Variants in PROSER1 observed in about 807,000 individuals in gnomAD.
PROSER1 encodes the protein proline and serine rich 1.
PROSER1 carries 36 observed loss-of-function variants against 71.8 expected under a neutral mutation model. The observed-to-expected ratio is 0.50, with a 90% CI of 0.38 to 0.66. PROSER1 has a LOEUF of 0.66. Ranked by LOEUF, PROSER1 falls within the 30% of genes least tolerant of loss-of-function variation. The pLI is 0.00. For synonymous variants in PROSER1, 490 were observed against 452.4 expected (o/e 1.08, Z -1.06); for missense variants, 1,107 against 1,135.0 (o/e 0.98, Z 0.35).
intron 8 of PROSER1, 39 bp downstream of exon 8, chr13:39,023,013 A>G (rs1232915658): frequency 6.5e-7 from 1 of 1,540,668 alleles, no homozygotes; most frequent in African/African-American, 1.4e-5. Context: ...AATAAACAGC[A>G]AAAAAGAAAA....
Position 39,013,629 on chromosome 13 carries a change from C to G in PROSER1, c.1623G>C (p.Leu541=). The change falls in exon 11 of 13, where the codon CTG becomes CTC. Residue 541 remains leucine (L), a synonymous_variant. Coordinates refer to ENST00000352251, the MANE Select transcript of PROSER1 (RefSeq NM_025138.5). ...AAGTTGAGTTAGCCACGGGAGACGG[C>G]AGGCCTGGGAACAGGGCCAACCCTG... ...STPGLALFPG[L]PSPVANSTST... is the part of the protein sequence containing the mutation. 2 of 1,614,102 alleles carry G rather than the reference C, an allele frequency of 1.2e-6. No individual in the cohort carries two copies. The highest frequency in any genetic ancestry group is 1.7e-6 in the Non-Finnish European group (2 of 1,180,010).
At chr13:39,030,952 G>T (rs767383213) in intron 3 of PROSER1, among the ~76,000 whole-genome samples, 1 of 152,120 alleles carries the variant, frequency 6.6e-6, no homozygotes, top group Non-Finnish European at 1.5e-5. Flanking sequence ...GAAAGTCAAG[G>T]ATCTGTAAAT....
At chr13:39,033,565 TTG>T (rs1295613087) in intron 2 of PROSER1, among the ~76,000 whole-genome samples, 1 of 152,190 alleles carries the variant, frequency 6.6e-6, no homozygotes, top group Non-Finnish European at 1.5e-5. Flanking sequence ...ACATGCCCCC[TTG>T]TGTGTGTGAC....
rs1869640126 is a variant in PROSER1 at position 39,011,313 on chromosome 13, G to A, written c.*52C>T. ...CACATTTGTCAGATTGTTCATTGCAGTTCTCAGGCAATTCTGATGTTGCTC... is the reference window on the plus strand; with the variant it reads ...CACATTTGTCAGATTGTTCATTGCAATTCTCAGGCAATTCTGATGTTGCTC... On this transcript the variant is annotated 3_prime_UTR_variant, in exon 13 of 13. Coordinates refer to ENST00000352251, the MANE Select transcript of PROSER1 (RefSeq NM_025138.5). 5 of 1,591,186 alleles carry A rather than the reference G, an allele frequency of 3.1e-6. No individual in the cohort carries two copies. In the Admixed American group the frequency reaches 8.4e-5, roughly 27 times the overall value.
chr13:39,012,034 G>A (rs1593523275), intron 12 of PROSER1, 49 bp downstream of exon 12: 1 of 1,573,136 alleles, frequency 6.4e-7, no homozygotes, highest in East Asian at 2.2e-5. Flanking sequence ...CACTACAGAA[G>A]TTAGTTATAC....
intron 11 of PROSER1, 100 bp from the exon 12 acceptor site, chr13:39,012,333 C>CA: frequency 7.7e-7 from 1 of 1,301,268 alleles, no homozygotes; most frequent in Non-Finnish European, 1.1e-6. Context: ...AAAAACAAAA[C>CA]AAAAACCTTA....
In PROSER1 at chr13:39,013,830, A is replaced by G. The variant is rs1869842245; in HGVS notation, c.1422T>C (p.Gly474=). ...VNSPLLSALK[G]FLTSNDTNLI... The stretch of plus-strand genomic sequence containing the variant: ...AATTGGTGTCATTGGATGTCAGAAA[A>G]CCTTTTAACGCAGACAAAAGAGGAC... The change falls in exon 11 of 13, where the codon GGT becomes GGC. Residue 474 remains glycine, a synonymous_variant. Transcript: ENST00000352251. 1 of 1,613,946 alleles carries G rather than the reference A, an allele frequency of 6.2e-7. No homozygotes were observed. The highest frequency in any genetic ancestry group is 1.7e-5 in the Admixed American group (1 of 59,990).
At chr13:39,019,299 C>G (rs1056463089) in intron 9 of PROSER1, among the ~76,000 whole-genome samples, 1 of 148,284 alleles carries the variant, frequency 6.7e-6, no homozygotes, top group African/African-American at 2.5e-5. Flanking sequence ...GTCAGGAGTT[C>G]GAGACCAGCC....
intron 10 of PROSER1, among the ~76,000 whole-genome samples, chr13:39,016,828 A>G (rs184073262): frequency 1.3e-3 from 200 of 152,330 alleles, no homozygotes; most frequent in African/African-American, 4.8e-3. Context: ...AGGGAATGGA[A>G]TTCTCCCACT....
chr13:39,020,982 G>A (rs1313266646), intron 9 of PROSER1, among the ~76,000 whole-genome samples: 1 of 152,158 alleles, frequency 6.6e-6, no homozygotes, highest in Non-Finnish European at 1.5e-5. Flanking sequence ...GCACGTCAAA[G>A]TTTTACCACT....
At position 39,012,738 on chromosome 13, in the gene PROSER1, G is replaced by C. The variant is rs1869726820; in HGVS notation, c.2514C>G (p.Ala838=). 1.9e-6 allele frequency: 3 copies of C among 1,609,434 alleles called. No individual in the cohort carries two copies. Among genetic ancestry groups the C allele is most frequent in the Non-Finnish European group, 2.5e-6 (3 of 1,177,708 alleles). Residue 838 remains alanine, a synonymous_variant, in exon 11 of 13, where the codon GCC becomes GCG. Coordinates refer to ENST00000352251, the MANE Select transcript of PROSER1 (RefSeq NM_025138.5). ...AGTTGAAATTGGAACTGAATGCTGA[G>C]GCGAATCCTGGGAGGACTGGAGCTG... ...PSPAPVLPGF[A]SAFSSNFNSA...
In PROSER1 at chr13:39,014,041, G is replaced by C; in HGVS notation, c.1211C>G (p.Thr404Ser). The change falls in exon 11 of 13, where the codon ACT (threonine) becomes AGT (serine). Residue 404 changes from threonine (T) to serine (S), a missense_variant. By Grantham distance (58) the Thr-to-Ser change is moderately conservative. Coordinates refer to ENST00000352251, the MANE Select transcript of PROSER1 (RefSeq NM_025138.5). ...EAFASTSAPF[T>S]SLPFSTSSSA... is the part of the protein sequence containing the mutation. The stretch of plus-strand genomic sequence containing the variant: ...AGAGCTGGTGGAAAAGGGGAGGCTA[G>C]TGAAAGGTGCAGAAGTAGAAGCAAA... 6.2e-7 allele frequency: 1 copy of C among 1,614,178 alleles called. No homozygotes were observed. The highest frequency in any genetic ancestry group is 8.5e-7 in the Non-Finnish European group (1 of 1,180,014).
At chr13:39,015,323 T>G (rs1017332005) in intron 10 of PROSER1, among the ~76,000 whole-genome samples, 1 of 152,190 alleles carries the variant, frequency 6.6e-6, no homozygotes, top group Non-Finnish European at 1.5e-5. Context: ...ATGTATTCAA[T>G]GGCTATCCCC....
At position 39,013,213 on chromosome 13, in the gene PROSER1, G is replaced by A; in HGVS notation, c.2039C>T (p.Ser680Phe). The A allele has an allele frequency of 6.2e-7, 1 of 1,614,156 alleles. No homozygotes were observed. The highest frequency in any genetic ancestry group is 8.5e-7 in the Non-Finnish European group (1 of 1,180,022). The change falls in exon 11 of 13, where the codon TCC (serine) becomes TTC (phenylalanine). Residue 680 changes from serine (S) to phenylalanine (F), a missense_variant. By Grantham distance (155) the Ser-to-Phe change is radical (BLOSUM62 -2). Coordinates refer to ENST00000352251, the MANE Select transcript of PROSER1 (RefSeq NM_025138.5). ...LNGSNPLSSI[S>F]LPPHGSSTPI... is the part of the protein sequence containing the mutation. ...AGTGGAGGAACCATGTGGTGGAAGGGAAATAGAGGAAAGAGGATTTGAACC... is the reference window on the plus strand; with the variant it reads ...AGTGGAGGAACCATGTGGTGGAAGGAAAATAGAGGAAAGAGGATTTGAACC...
rs147228249 is a variant in PROSER1, at chr13:39,020,367, T to TAC, written c.730+1957_730+1958dup. On this transcript the variant is annotated intron_variant, in intron 9 of 12. Coordinates refer to ENST00000352251, the MANE Select transcript of PROSER1 (RefSeq NM_025138.5). The stretch of plus-strand genomic sequence containing the variant: ...AAATTACTATATAGCTCTCTCTCTG[T>TAC]ACACACACACACACACCCCTGTTGT... 3.4e-3 allele frequency among the ~76,000 whole-genome samples: 506 copies of TAC among 150,632 alleles called. 2 individuals are homozygous for TAC. Among genetic ancestry groups the TAC allele is most frequent in the African/African-American group, 0.011 (445 of 41,230 alleles).
At position 39,037,630 on chromosome 13, in the gene PROSER1, T is replaced by G; in HGVS notation, c.-388A>C. The G allele has an allele frequency of 5.9e-6, 1 of 169,612 alleles. No individual in the cohort carries two copies. Among genetic ancestry groups the G allele is most frequent in the Non-Finnish European group, 1.3e-5 (1 of 79,602 alleles). 10.5% of individuals were successfully genotyped at this position (169,612 alleles called of 1,614,324 possible). On this transcript the variant is annotated 5_prime_UTR_variant, in exon 1 of 13. Coordinates refer to ENST00000352251, the MANE Select transcript of PROSER1 (RefSeq NM_025138.5). ...CGCCAGAGGTAGCTCTTGAAGGCGC[T>G]TTCCCAGGTGGAGCGGCCGGCAGAG... is the stretch of plus-strand genomic sequence containing the variant.
chr13:39,029,207 CTAAT>C, intron 4 of PROSER1, 70 bp downstream of exon 4: 5 of 786,876 alleles, frequency 6.4e-6, no homozygotes, highest in Non-Finnish European at 8.0e-6. Context: ...TTAACACACA[CTAAT>C]TAGACACTTA....
At position 39,038,037 on chromosome 13, in the gene PROSER1, G is replaced by A. The variant is rs1376896196; in HGVS notation, c.-795C>T. 6.5e-6 allele frequency: 1 copy of A among 153,038 alleles called. No homozygotes were observed. The highest frequency in any genetic ancestry group is 1.5e-5 in the Non-Finnish European group (1 of 68,696). 9.5% of individuals were successfully genotyped at this position (153,038 alleles called of 1,614,324 possible). ...CTCATGGGGACCTACAATAAAGCCA[G>A]TCGCGCCCAAGTAAACTCAACACTG... On this transcript the variant is annotated 5_prime_UTR_variant, in exon 1 of 13. Transcript: ENST00000352251.
chr13:39,015,057 C>T (rs1391691815), intron 10 of PROSER1, among the ~76,000 whole-genome samples: 4 of 152,138 alleles, frequency 2.6e-5, no homozygotes, highest in African/African-American at 9.7e-5. Context: ...TAACCCCTAA[C>T]CCTTACCTGG....
Sources: gnomAD v4.1 joint callset for allele counts (sites outside exome capture counted in the v4.1 genomes callset) on GRCh38, gnomAD v4.1.1 for gene constraint, MANE v1.5 for transcripts, NCBI Gene and HGNC (gene_info 2026-07-23, HGNC 2026-07-21) for gene names.